Variants in CACNA1D observed in about 807,000 individuals in gnomAD.
CACNA1D encodes the protein voltage-dependent L-type calcium channel subunit alpha-1D.
Under a neutral mutation model 257.1 loss-of-function variants are expected in CACNA1D, and 55 were observed. The observed-to-expected ratio is 0.21, with a 90% CI of 0.17 to 0.27. The LOEUF is 0.27. Ranked by LOEUF, CACNA1D falls within the 10% of genes least tolerant of loss-of-function variation. The pLI is 1.00. For missense variants in CACNA1D, 1,876 were observed against 2,784.0 expected (o/e 0.67, Z 7.34); for synonymous variants, 980 against 1,014.9 (o/e 0.97, Z 0.65).
At chr3:53,753,706 AAAGGT>A in intron 29 of CACNA1D, 24 bp downstream of exon 29, 3 of 1,418,798 alleles carry the variant, frequency 2.1e-6, no homozygotes, top group Non-Finnish European at 3.0e-6. Flanking sequence ...CCCACTTTTC[AAAGGT>A]TGTTGCTGAG....
chr3:53,695,819 C>T (rs1489767043), intron 8 of CACNA1D, among the ~76,000 whole-genome samples: 4 of 152,176 alleles, frequency 2.6e-5, no homozygotes, highest in African/African-American at 9.7e-5. Context: ...TTTCTGTTCA[C>T]GCATAACACC....
chr3:53,797,621 T>C (rs1384179929), intron 40 of CACNA1D: 1 of 152,254 alleles, frequency 6.6e-6, no homozygotes, highest in Non-Finnish European at 1.5e-5. Flanking sequence ...TGCACTATCT[T>C]GTCGACTAAA....
chr3:53,692,047 A>G (rs956733329), intron 8 of CACNA1D, among the ~76,000 whole-genome samples: 5 of 148,222 alleles, frequency 3.4e-5, no homozygotes, highest in Non-Finnish European at 5.9e-5. Flanking sequence ...AAATACACCC[A>G]GTACAAAGCC....
At chr3:53,520,133 TA>T (rs1401158695) in intron 3 of CACNA1D, among the ~76,000 whole-genome samples, 17 of 152,206 alleles carry the variant, frequency 1.1e-4, no homozygotes, top group Non-Finnish European at 2.2e-4. Context: ...TTTGTGAACT[TA>T]AGTTTTCAAT....
chr3:53,766,474 T>C (rs1393133613), intron 30 of CACNA1D, among the ~76,000 whole-genome samples: 1 of 152,240 alleles, frequency 6.6e-6, no homozygotes, highest in African/African-American at 2.4e-5. Context: ...GCTTCCTATC[T>C]GAATTAGAAA....
chr3:53,729,391 C>T (rs1324405750), intron 15 of CACNA1D, among the ~76,000 whole-genome samples: 1 of 152,104 alleles, frequency 6.6e-6, no homozygotes, highest in African/African-American at 2.4e-5. Context: ...TTGCACAGGG[C>T]GTATGGGACA....
chr3:53,543,121 A>AAAT (rs2092338492), intron 3 of CACNA1D, among the ~76,000 whole-genome samples: 1 of 149,302 alleles, frequency 6.7e-6, no homozygotes, highest in African/African-American at 2.5e-5. Flanking sequence ...GCAGCAGTAA[A>AAAT]AAATAAATAA....
intron 40 of CACNA1D, among the ~76,000 whole-genome samples, chr3:53,798,608 A>G (rs1261077907): frequency 1.3e-5 from 2 of 152,202 alleles, no homozygotes; most frequent in African/African-American, 2.4e-5. Flanking sequence ...CTGCTGCTCT[A>G]TCTTCACAGA....
intron 3 of CACNA1D, among the ~76,000 whole-genome samples, chr3:53,585,516 C>G (rs1041533668): frequency 3.3e-5 from 5 of 152,164 alleles, no homozygotes; most frequent in African/African-American, 1.2e-4. Flanking sequence ...GACCTATTTT[C>G]ATTACAGCAT....
chr3:53,788,222 T>C (rs1341002679), intron 40 of CACNA1D, among the ~76,000 whole-genome samples: 1 of 152,168 alleles, frequency 6.6e-6, no homozygotes, highest in Non-Finnish European at 1.5e-5. Flanking sequence ...GACCTGCTGA[T>C]TCATGGTGCA....
intron 3 of CACNA1D, among the ~76,000 whole-genome samples, chr3:53,611,260 C>CTGTA (rs1292766812): frequency 3.9e-5 from 6 of 152,130 alleles, no homozygotes; most frequent in Admixed American, 3.9e-4. Context: ...TGGCATGTGC[C>CTGTA]TGTAATACCA....
chr3:53,597,922 G>C (rs2093390907), intron 3 of CACNA1D, among the ~76,000 whole-genome samples: 1 of 152,176 alleles, frequency 6.6e-6, no homozygotes, highest in Non-Finnish European at 1.5e-5. Flanking sequence ...GCCACTACAA[G>C]TAACTGTAAA....
intron 4 of CACNA1D, among the ~76,000 whole-genome samples, chr3:53,653,182 CA>C (rs1008025246): frequency 2.0e-5 from 3 of 152,068 alleles, no homozygotes; most frequent in Non-Finnish European, 4.4e-5. Flanking sequence ...ACCTGGGAGG[CA>C]GGGGTTGCAG....
chr3:53,695,311 A>C (rs1432094499), intron 8 of CACNA1D, among the ~76,000 whole-genome samples: 1 of 152,186 alleles, frequency 6.6e-6, no homozygotes, highest in African/African-American at 2.4e-5. Flanking sequence ...GCTGCATCCC[A>C]GGGCAACTGT....
chr3:53,706,549 TAGG>T (rs1006556843), intron 9 of CACNA1D, among the ~76,000 whole-genome samples: 2 of 152,238 alleles, frequency 1.3e-5, no homozygotes, highest in African/African-American at 4.8e-5. Context: ...CTGTGACTGC[TAGG>T]AGTAGTCATA....
At chr3:53,536,497 A>G (rs1316673689) in intron 3 of CACNA1D, among the ~76,000 whole-genome samples, 1 of 152,226 alleles carries the variant, frequency 6.6e-6, no homozygotes, top group African/African-American at 2.4e-5. Flanking sequence ...AAAATAGACA[A>G]TCTATATAGT....
intron 3 of CACNA1D, among the ~76,000 whole-genome samples, chr3:53,582,890 G>A (rs577917714): frequency 1.7e-4 from 26 of 152,288 alleles, no homozygotes; most frequent in Non-Finnish European, 3.8e-4. Context: ...ATGATTTTGT[G>A]TACATGTGCA....
chr3:53,599,819 T>C (rs540800132), intron 3 of CACNA1D, among the ~76,000 whole-genome samples: 1 of 152,352 alleles, frequency 6.6e-6, no homozygotes, highest in South Asian at 2.1e-4. Context: ...GCAGTCACTG[T>C]AGGCCCAAGG....
chr3:53,579,534 C>A (rs1010957885), intron 3 of CACNA1D, among the ~76,000 whole-genome samples: 2 of 152,098 alleles, frequency 1.3e-5, no homozygotes, highest in African/African-American at 4.8e-5. Context: ...TTGTCTCTTA[C>A]AAAGATTTGT....
Sources: allele counts gnomAD v4.1 joint callset (sites outside exome capture counted in the v4.1 genomes callset), GRCh38; gene constraint gnomAD v4.1.1; transcripts MANE v1.5; gene names NCBI Gene and HGNC (gene_info 2026-07-23, HGNC 2026-07-21).